Variants in CTNNA2 observed in about 807,000 individuals in gnomAD.
CTNNA2 encodes catenin alpha-2.
Under a neutral mutation model 101.0 loss-of-function variants are expected in CTNNA2, and 42 were observed. That is an observed-to-expected ratio of 0.42 (90% CI 0.32 to 0.54). The LOEUF (loss-of-function observed/expected upper bound fraction) is 0.54. Among genes scored for constraint, CTNNA2 ranks in the 20% least tolerant of loss-of-function variants. The probability of loss-of-function intolerance (pLI) is 0.14; values close to 1 mark genes in which losing one functional copy is unlikely to be tolerated. For missense variants in CTNNA2, 871 were observed against 1,223.1 expected, an observed-to-expected ratio of 0.71 and a Z score of 4.29; for synonymous variants, 450 against 456.4, an observed-to-expected ratio of 0.99 and a Z score of 0.18.
chr2:79,331,820 G>A (rs1056010384), intron 3 of CTNNA2, among the ~76,000 whole-genome samples: 5 of 152,150 alleles, frequency 3.3e-5, no homozygotes, highest in African/African-American at 4.8e-5. Flanking sequence ...AAAAAGGGGG[G>A]AAAGCAAATA....
At chr2:80,377,003 A>G (rs1054338320) in intron 7 of CTNNA2, among the ~76,000 whole-genome samples, 4 of 152,216 alleles carry the variant, frequency 2.6e-5, no homozygotes, top group African/African-American at 9.6e-5. Flanking sequence ...TCCCCAGTAG[A>G]AGCTACCACG....
chr2:79,868,104 T>A (rs1004805879), intron 4 of CTNNA2, among the ~76,000 whole-genome samples: 1 of 152,202 alleles, frequency 6.6e-6, no homozygotes, highest in African/African-American at 2.4e-5. Flanking sequence ...TGGCAGTTCC[T>A]TTTTCAACTG....
chr2:79,930,348 G>GAA (rs1687355032), intron 7 of CTNNA2, among the ~76,000 whole-genome samples: 1 of 83,632 alleles, frequency 1.2e-5, no homozygotes, highest in Non-Finnish European at 2.8e-5. Flanking sequence ...AAGAAAGAAA[G>GAA]AAAGAAAGAA....
rs1034656649 is a variant in CTNNA2, at chr2:80,564,523, TTTTA to T, written c.1741+8631_1741+8634del. 2.1e-4 allele frequency among the ~76,000 whole-genome samples: 32 copies of T among 151,510 alleles called. 1 individual carries two copies. Among genetic ancestry groups the T allele is most frequent in the African/African-American group, 7.8e-4 (32 of 40,992 alleles). Reference sequence around the variant, plus strand: ...GAATTTAGAGAGTTTTTTTTTTTTTTTTTACCCCCTCCTTCTAGGCAGTCCTTCT... The same window carrying T: ...GAATTTAGAGAGTTTTTTTTTTTTTTCCCCCTCCTTCTAGGCAGTCCTTCT... On this transcript the variant is annotated intron_variant, in intron 12 of 18. Coordinates refer to ENST00000402739, the MANE Select transcript of CTNNA2 (RefSeq NM_001282597.3).
chr2:79,322,737 T>C (rs912258716), intron 3 of CTNNA2, among the ~76,000 whole-genome samples: 1 of 152,166 alleles, frequency 6.6e-6, no homozygotes, highest in Non-Finnish European at 1.5e-5. Flanking sequence ...GACACATTTA[T>C]TGTCATTTGA....
chr2:79,915,787 G>T, intron 7 of CTNNA2, among the ~76,000 whole-genome samples: 1 of 152,200 alleles, frequency 6.6e-6, no homozygotes, highest in East Asian at 1.9e-4. Flanking sequence ...ATATAAATCT[G>T]ATTTTTATCT....
At chr2:79,696,029 A>C (rs1357758904) in intron 2 of CTNNA2, among the ~76,000 whole-genome samples, 4 of 152,012 alleles carry the variant, frequency 2.6e-5, no homozygotes, top group Non-Finnish European at 5.9e-5. Context: ...CCCTTGGTGG[A>C]AGCCCTATAG....
intron 7 of CTNNA2, among the ~76,000 whole-genome samples, chr2:80,201,538 TA>T (rs1212225338): frequency 1.3e-5 from 2 of 151,782 alleles, no homozygotes; most frequent in African/African-American, 4.9e-5. Context: ...CATGCCTGGC[TA>T]AATTTGTGTA....
intron 2 of CTNNA2, among the ~76,000 whole-genome samples, chr2:79,690,808 T>G (rs1684244104): frequency 6.6e-6 from 1 of 152,124 alleles, no homozygotes; most frequent in South Asian, 2.1e-4. Context: ...CACTTGTTTC[T>G]TGAATTTATA....
chr2:80,151,938 C>T (rs1350206312), intron 7 of CTNNA2, among the ~76,000 whole-genome samples: 1 of 152,212 alleles, frequency 6.6e-6, no homozygotes, highest in Non-Finnish European at 1.5e-5. Flanking sequence ...AGCTTTGCTT[C>T]CCCCCTGCTG....
At chr2:79,985,426 A>G (rs1457928182) in intron 7 of CTNNA2, among the ~76,000 whole-genome samples, 1 of 151,308 alleles carries the variant, frequency 6.6e-6, no homozygotes, top group African/African-American at 2.5e-5. Flanking sequence ...TTATGTGTGC[A>G]AACTGCCTCT....
At chr2:79,437,379 A>G (rs1678728678) in intron 4 of CTNNA2, among the ~76,000 whole-genome samples, 1 of 152,192 alleles carries the variant, frequency 6.6e-6, no homozygotes, top group African/African-American at 2.4e-5. Context: ...AGCCTGACAC[A>G]AGGCCTGAGA....
chr2:80,420,056 A>C (rs1324888284), intron 9 of CTNNA2, among the ~76,000 whole-genome samples: 1 of 149,452 alleles, frequency 6.7e-6, no homozygotes, highest in East Asian at 1.9e-4. Flanking sequence ...AAAAAAAAAA[A>C]AAAAAAACCC....
rs1038180119 is a variant in CTNNA2 at position 79,820,657 on chromosome 2, A to C, written c.299-37356A>C. Reference sequence around the variant, plus strand: ...TTATTGAAAAGGGAAGGAAGGAAAAAGGAAGGAAAAGTTTGAAATTCACCA... The same window carrying C: ...TTATTGAAAAGGGAAGGAAGGAAAACGGAAGGAAAAGTTTGAAATTCACCA... On this transcript the variant is annotated intron_variant, in intron 3 of 18. Transcript: ENST00000402739. Among the ~76,000 whole-genome samples the C allele has an allele frequency of 2.0e-5, 3 of 152,210 alleles. No homozygotes were observed. In the South Asian group the frequency reaches 6.2e-4, roughly 32 times the overall value.
chr2:79,325,267 T>C (rs1398286017), intron 3 of CTNNA2, among the ~76,000 whole-genome samples: 2 of 152,204 alleles, frequency 1.3e-5, no homozygotes, highest in African/African-American at 4.8e-5. Context: ...TTATAGGCGA[T>C]GGGATTACCT....
In CTNNA2 at chr2:80,495,381, T is replaced by TC. The variant is rs150078400; in HGVS notation, c.1291-49600dup. Among the ~76,000 whole-genome samples, 1,296 of 152,298 alleles carry TC rather than the reference T, an allele frequency of 8.5e-3. 17 individuals carry two copies. The highest frequency in any genetic ancestry group is 0.029 in the African/African-American group (1,220 of 41,554). The stretch of plus-strand genomic sequence containing the variant: ...CTGACATTCACCAACTAAACTCTCT[T>TC]CTGTCTCTTAAAGCGCTTTCGACTT... On this transcript the variant is annotated intron_variant, in intron 9 of 18. Transcript: ENST00000402739.
At chr2:79,192,681 A>T (rs765809027) in intron 1 of CTNNA2, among the ~76,000 whole-genome samples, 16 of 152,286 alleles carry the variant, frequency 1.1e-4, no homozygotes, top group Non-Finnish European at 2.2e-4. Flanking sequence ...GAAATAAATA[A>T]TATTTTTAAA....
intron 11 of CTNNA2, among the ~76,000 whole-genome samples, chr2:80,554,921 G>T (rs141843513): frequency 3.3e-5 from 5 of 152,240 alleles, no homozygotes; most frequent in Admixed American, 6.5e-5. Context: ...AACTGCAAGG[G>T]AATAAATAAT....
chr2:79,212,551 A>G (rs1206380324), intron 2 of CTNNA2, among the ~76,000 whole-genome samples: 1 of 152,194 alleles, frequency 6.6e-6, no homozygotes, highest in Non-Finnish European at 1.5e-5. Context: ...TGAGGACTGT[A>G]AGGGATATAA....
Sources: allele counts gnomAD v4.1 joint callset (sites outside exome capture counted in the v4.1 genomes callset), GRCh38; gene constraint gnomAD v4.1.1; transcripts MANE v1.5; gene names NCBI Gene and HGNC (gene_info 2026-07-23, HGNC 2026-07-21).